Variants in MTUS2 observed in about 807,000 individuals in gnomAD.
The protein encoded by MTUS2 is microtubule associated scaffold protein 2.
MTUS2 carries 40 observed loss-of-function variants against 114.1 expected under a neutral mutation model. That is an observed-to-expected ratio of 0.35 (90% CI 0.27 to 0.46). MTUS2 has a LOEUF of 0.46. Ranked by LOEUF, MTUS2 falls within the 20% of genes least tolerant of loss-of-function variation. The pLI is 1.00. For missense variants in MTUS2, 1,679 were observed against 1,705.4 expected (o/e 0.98, Z 0.27); for synonymous variants, 688 against 672.0 (o/e 1.02, Z -0.37).
intron 5 of MTUS2, among the ~76,000 whole-genome samples, chr13:29,224,429 TG>T (rs1260903093): frequency 6.6e-6 from 1 of 152,126 alleles, no homozygotes; most frequent in Non-Finnish European, 1.5e-5. Flanking sequence ...TTTTTTATAC[TG>T]TTCTTCATTG....
chr13:29,189,423 G>A (rs768258247), intron 5 of MTUS2, among the ~76,000 whole-genome samples: 16 of 151,890 alleles, frequency 1.1e-4, no homozygotes, highest in Non-Finnish European at 1.8e-4. Flanking sequence ...AGCTCTTCGT[G>A]TTATCCTCAC....
At chr13:29,094,013 T>TG (rs1157703562) in intron 4 of MTUS2, among the ~76,000 whole-genome samples, 3 of 152,182 alleles carry the variant, frequency 2.0e-5, no homozygotes, top group African/African-American at 7.2e-5. Context: ...AGTACATGGA[T>TG]TAATTATGTA....
chr13:29,497,724 AT>A (rs1369872638), intron 13 of MTUS2: 3 of 199,780 alleles, frequency 1.5e-5, no homozygotes, highest in Non-Finnish European at 2.1e-5. Context: ...GTTGAGGGGA[AT>A]TTTTTCCAGA....
chr13:29,139,810 G>C (rs1180876531), intron 5 of MTUS2, among the ~76,000 whole-genome samples: 3 of 152,104 alleles, frequency 2.0e-5, no homozygotes, highest in African/African-American at 7.2e-5. Context: ...CGTGCTCTTA[G>C]ACTTATGGTT....
At chr13:29,326,128 G>T (rs1332852052) in intron 7 of MTUS2, among the ~76,000 whole-genome samples, 1 of 152,170 alleles carries the variant, frequency 6.6e-6, no homozygotes, top group Non-Finnish European at 1.5e-5. Flanking sequence ...GATGCACAAG[G>T]AAGGAAAAGA....
intron 8 of MTUS2, among the ~76,000 whole-genome samples, chr13:29,364,002 G>A (rs572192898): frequency 7.2e-5 from 11 of 152,220 alleles, no homozygotes; most frequent in African/African-American, 2.2e-4. Flanking sequence ...AAGTGATGGA[G>A]CCAAGATACA....
At position 29,392,479 on chromosome 13, in the gene MTUS2, C is replaced by CA. The variant is rs548656374; in HGVS notation, c.3117+33007dup. Among the ~76,000 whole-genome samples the CA allele has an allele frequency of 2.5e-3, 386 of 152,322 alleles. 1 individual carries two copies. Among genetic ancestry groups the CA allele is most frequent in the African/African-American group, 8.5e-3 (352 of 41,574 alleles). ...CTCACAGGACACACAGCTGAGGAGACATCTCCTCTCATGCCCTGTCTGGAC... is the reference window on the plus strand; with the variant it reads ...CTCACAGGACACACAGCTGAGGAGACAATCTCCTCTCATGCCCTGTCTGGAC... On this transcript the variant is annotated intron_variant, in intron 8 of 15. Coordinates refer to ENST00000612955, the MANE Select transcript of MTUS2 (RefSeq NM_001033602.4).
intron 2 of MTUS2, among the ~76,000 whole-genome samples, chr13:28,924,809 A>G (rs1301512064): frequency 6.6e-6 from 1 of 152,160 alleles, no homozygotes; most frequent in African/African-American, 2.4e-5. Context: ...TAGGCACTGA[A>G]AAGGAATGGA....
chr13:28,995,141 C>A (rs962116936), intron 2 of MTUS2, among the ~76,000 whole-genome samples: 1 of 152,194 alleles, frequency 6.6e-6, no homozygotes, highest in Non-Finnish European at 1.5e-5. Context: ...TTCCCAGCAC[C>A]ATTTATTAAA....
At chr13:29,005,676 C>G (rs1297858908) in intron 2 of MTUS2, among the ~76,000 whole-genome samples, 1 of 152,226 alleles carries the variant, frequency 6.6e-6, no homozygotes, top group African/African-American at 2.4e-5. Flanking sequence ...CTGACTTTAG[C>G]ACATGTGAAC....
chr13:28,892,961 A>G (rs903777), intron 2 of MTUS2, among the ~76,000 whole-genome samples: 137,422 of 152,204 alleles, frequency 0.9, 62,455 homozygotes, highest in Middle Eastern at 0.95. Context: ...TGGAATTTAG[A>G]TGTGAGGAGT....
chr13:29,427,501 G>A (rs771393963), intron 8 of MTUS2, among the ~76,000 whole-genome samples: 1 of 152,286 alleles, frequency 6.6e-6, no homozygotes, highest in South Asian at 2.1e-4. Flanking sequence ...CAAGGTGTGC[G>A]TACATTCAAT....
At chr13:29,278,747 A>G (rs774001952) in intron 5 of MTUS2, among the ~76,000 whole-genome samples, 1 of 152,222 alleles carries the variant, frequency 6.6e-6, no homozygotes, top group Non-Finnish European at 1.5e-5. Flanking sequence ...ATGATGTTTC[A>G]TACTTCTTAA....
chr13:29,440,178 A>C, intron 9 of MTUS2, 129 bp downstream of exon 9: 8 of 866,584 alleles, frequency 9.2e-6, no homozygotes, highest in African/African-American at 1.7e-5. Flanking sequence ...GAAGTATCTC[A>C]CCCAGCACAG....
intron 2 of MTUS2, among the ~76,000 whole-genome samples, chr13:28,920,280 G>C (rs1257239273): frequency 6.6e-6 from 1 of 152,192 alleles, no homozygotes; most frequent in Non-Finnish European, 1.5e-5. Context: ...AAGGACTTGG[G>C]CCTCAAACCC....
intron 1 of MTUS2, among the ~76,000 whole-genome samples, chr13:28,826,505 C>T (rs1357627561): frequency 6.6e-6 from 1 of 152,136 alleles, no homozygotes; most frequent in African/African-American, 2.4e-5. Context: ...ACCCATTGTA[C>T]CAGTATGTTC....
At chr13:29,157,384 T>G (rs555093295) in intron 5 of MTUS2, among the ~76,000 whole-genome samples, 1 of 152,236 alleles carries the variant, frequency 6.6e-6, no homozygotes. Context: ...TGTTTTTGAC[T>G]TTTTAATTTT....
chr13:29,380,104 C>T (rs1318044435), intron 8 of MTUS2, among the ~76,000 whole-genome samples: 1 of 152,178 alleles, frequency 6.6e-6, no homozygotes, highest in African/African-American at 2.4e-5. Flanking sequence ...AGCACCAGGA[C>T]TGGAAGGTGG....
At chr13:29,417,372 G>T (rs1875746033) in intron 8 of MTUS2, among the ~76,000 whole-genome samples, 1 of 152,220 alleles carries the variant, frequency 6.6e-6, no homozygotes, top group Non-Finnish European at 1.5e-5. Flanking sequence ...GAGATTTAGA[G>T]AGGGTGAAAT....
Sources: gnomAD v4.1 joint callset for allele counts (sites outside exome capture counted in the v4.1 genomes callset) on GRCh38, gnomAD v4.1.1 for gene constraint, MANE v1.5 for transcripts, NCBI Gene and HGNC (gene_info 2026-07-23, HGNC 2026-07-21) for gene names.